The following PKD1 variants were observed in gnomAD, a reference collection of about 807,000 sequenced individuals.
The protein encoded by PKD1 is polycystin 1, transient receptor potential channel interacting.
In PKD1, 81 loss-of-function variants were observed where a neutral mutation model predicts 361.7. The observed-to-expected ratio is 0.22, with a 90% CI of 0.19 to 0.27. The LOEUF is 0.27. Ranked by LOEUF, PKD1 falls within the 10% of genes least tolerant of loss-of-function variation. The pLI, the probability that PKD1 is intolerant of heterozygous loss-of-function variation, is 1.00. For synonymous variants in PKD1, 3,615 were observed against 2,818.3 expected (o/e 1.28, Z -8.95); for missense variants, 6,399 against 6,118.3 (o/e 1.05, Z -1.53).
Position 2,111,500 on chromosome 16 carries a change from C to A in PKD1, c.3667G>T (p.Val1223Leu), listed in dbSNP as rs749092859. ...ACCACCACGGGGGCGCCCTGCTCCACGGCCAGGCTCATGTCCACGCTGAGT... is the reference window on the plus strand; with the variant it reads ...ACCACCACGGGGGCGCCCTGCTCCAAGGCCAGGCTCATGTCCACGCTGAGT... ...RGLSVDMSLA[V>L]EQGAPVVVSA... Residue 1223 changes from valine to leucine, a missense_variant, in exon 15 of 46, where the codon GTG becomes TTG. Val to Leu is a conservative substitution (Grantham distance 32, BLOSUM62 1). Coordinates refer to ENST00000262304, the MANE Select transcript of PKD1 (RefSeq NM_001009944.3). 1.7e-5 allele frequency: 28 copies of A among 1,610,734 alleles called. No homozygotes were observed. The highest frequency in any genetic ancestry group is 2.3e-5 in the Non-Finnish European group (27 of 1,179,214).
At chr16:2,107,121 A>G (rs2369085) in intron 16 of PKD1, 173 bp from the exon 17 acceptor site, 10,630 of 691,028 alleles carry the variant, frequency 0.015, 141 homozygotes, top group Non-Finnish European at 0.018. Context: ...TCCAACTTGG[A>G]CGGCGGAAGG....
In PKD1 at chr16:2,110,143, G is replaced by C. The variant is rs748183993; in HGVS notation, c.5024C>G (p.Ala1675Gly). The C allele has an allele frequency of 1.9e-5, 31 of 1,609,814 alleles. No homozygotes were observed. The highest frequency in any genetic ancestry group is 2.5e-5 in the Non-Finnish European group (29 of 1,179,460). ...GAAGCCTTTGCCGCTGCCGGCCAGG[G>C]CCGGGCCCCTGTCCCTCCAGGCAGT... ...SWTAWRDRGPALAGSGKGFSL... is the reference protein window; with the variant it reads ...SWTAWRDRGPGLAGSGKGFSL... Residue 1675 changes from alanine to glycine, a missense_variant, in exon 15 of 46, where the codon GCC (alanine) becomes GGC (glycine). By Grantham distance (60) the Ala-to-Gly change is moderately conservative. Coordinates refer to ENST00000262304, the MANE Select transcript of PKD1 (RefSeq NM_001009944.3).
chr16:2,112,268 G>C lies in PKD1; in HGVS notation c.3295+72C>G, dbSNP rs567512167. ...TGTTGGGGAGGAAGGGGGGCAGCTT[G>C]ACTGGGGAGCTGGGGGGACCCCGTG... On this transcript the variant is annotated intron_variant, in intron 14 of 45. Transcript: ENST00000262304. 18 of 1,357,242 alleles carry C rather than the reference G, an allele frequency of 1.3e-5. No homozygotes were observed. In the East Asian group the frequency reaches 4.1e-4, roughly 31 times the overall value. 84.1% of individuals were successfully genotyped at this position (1,357,242 alleles called of 1,614,324 possible). A position where few individuals can be genotyped will look rare whatever the true frequency, so the allele number is the denominator to read the frequency against.
chr16:2,091,215 G>A (rs777008229), intron 42 of PKD1, 41 bp from the exon 43 acceptor site: 50 of 1,165,788 alleles, frequency 4.3e-5, no homozygotes, highest in Non-Finnish European at 4.8e-5. Context: ...GGACGCTGCC[G>A]GGGCGGGGCC....
At chr16:2,124,321 C>T (rs1191637354) in intron 1 of PKD1, among the ~76,000 whole-genome samples, 4 of 152,238 alleles carry the variant, frequency 2.6e-5, no homozygotes, top group Admixed American at 2.6e-4. Context: ...GCCCCCTCGC[C>T]CTGGAGCCTC....
rs761149333 is a variant in PKD1 at position 2,111,412 on chromosome 16, A to G, written c.3755T>C (p.Val1252Ala). 7.4e-6 allele frequency: 12 copies of G among 1,611,714 alleles called. No individual in the cohort carries two copies. Among genetic ancestry groups the G allele is most frequent in the Non-Finnish European group, 1.0e-5 (12 of 1,179,528 alleles). ...TWTFDMGDGTVLSGPEATVEH... is the reference protein window; with the variant it reads ...TWTFDMGDGTALSGPEATVEH... ...CACTGTTGCCTCCGGGCCCGACAGC[A>G]CGGTGCCGTCCCCCATGTCGAAGGT... The change falls in exon 15 of 46, where the codon GTG becomes GCG. Residue 1252 changes from valine to alanine, a missense_variant. Coordinates refer to ENST00000262304, the MANE Select transcript of PKD1 (RefSeq NM_001009944.3).
chr16:2,105,145 CACAGG>C (rs1351114251), intron 21 of PKD1, among the ~76,000 whole-genome samples, 172 bp downstream of exon 21: 1 of 150,284 alleles, frequency 6.7e-6, no homozygotes, highest in Admixed American at 6.6e-5. Context: ...CCTGCGTTCA[CACAGG>C]ACAGAACGGC....
Position 2,106,787 on chromosome 16 carries a change from A to G in PKD1, c.7209+18T>C. 1 of 1,432,676 alleles carries G rather than the reference A, an allele frequency of 7.0e-7. No homozygotes were observed. Among genetic ancestry groups the G allele is most frequent in the Non-Finnish European group, 9.6e-7 (1 of 1,038,328 alleles). 88.7% of individuals were successfully genotyped at this position (1,432,676 alleles called of 1,614,324 possible). A position where few individuals can be genotyped will look rare whatever the true frequency, so the allele number is the denominator to read the frequency against. ...TGGGACCCATCCCCAGCCCGCCCAC[A>G]CCCCGCTCAACACTCACCCCTCGCT... On this transcript the variant is annotated intron_variant, in intron 17 of 45. Transcript: ENST00000262304. The surrounding 1 kb of genome is among the most constrained non-coding windows in gnomAD (Gnocchi z 6.5).
In PKD1 at chr16:2,098,099, C is replaced by T. The variant is rs2091921687; in HGVS notation, c.10051-115G>A. 8.9e-6 allele frequency: 6 copies of T among 671,804 alleles called. 1 individual carries two copies. The highest frequency in any genetic ancestry group is 4.7e-5 in the South Asian group (3 of 63,186). The allele number at this position is 671,804 out of a possible 1,614,324, so 41.6% of individuals were successfully genotyped here. ...GCCCGGTGCCATCTGACAGAATGTC[C>T]TAGAATGCTGGATATATGGGACATC... On this transcript the variant is annotated intron_variant, in intron 30 of 45. Coordinates refer to ENST00000262304, the MANE Select transcript of PKD1 (RefSeq NM_001009944.3).
chr16:2,097,703 C>T (rs2091903873), intron 32 of PKD1, 25 bp downstream of exon 32: 2 of 1,610,824 alleles, frequency 1.2e-6, no homozygotes, highest in South Asian at 2.2e-5. Context: ...TGCACCAGGG[C>T]TCGAGGTTTC....
At position 2,088,899 on chromosome 16, in the gene PKD1, A is replaced by ACACT; in HGVS notation, c.*827_*828insAGTG. On this transcript the variant is annotated 3_prime_UTR_variant, in exon 46 of 46. Coordinates refer to ENST00000262304, the MANE Select transcript of PKD1 (RefSeq NM_001009944.3). ...CGCGCGCGCACACACACACACACACAGTCACCTTCCTCCACCCTGGGAGCC... is the reference window on the plus strand; with the variant it reads ...CGCGCGCGCACACACACACACACACACACTGTCACCTTCCTCCACCCTGGGAGCC... The ACACT allele has an allele frequency of 2.4e-6, 1 of 420,762 alleles. No individual in the cohort carries two copies. The highest frequency in any genetic ancestry group is 4.4e-6 in the Non-Finnish European group (1 of 227,980). 26.1% of individuals were successfully genotyped at this position (420,762 alleles called of 1,614,324 possible).
chr16:2,094,031 G>A lies in PKD1; in HGVS notation c.10619-18C>T. On this transcript the variant is annotated intron_variant, in intron 35 of 45. Transcript: ENST00000262304. The stretch of plus-strand genomic sequence containing the variant: ...CACCAGTCCTGGGGAAGCAGAGACA[G>A]ACCTGTGAGAGGCAGCTCACAGGGA... 2 of 1,591,302 alleles carry A rather than the reference G, an allele frequency of 1.3e-6. No individual in the cohort carries two copies. The highest frequency in any genetic ancestry group is 1.7e-6 in the Non-Finnish European group (2 of 1,169,434).
Position 2,100,924 on chromosome 16 carries a change from C to T in PKD1, c.9398-358G>A, listed in dbSNP as rs1195013136. On this transcript the variant is annotated intron_variant, in intron 26 of 45. Transcript: ENST00000262304. This position sits in a 1 kb window ranked among gnomAD's most constrained non-coding sequence, Gnocchi z 4.4. ...ACACACCCGTCCCTCAGTTCATGCA[C>T]AGACTGCAAAGCGTGAAGCTGTGTC... Among the ~76,000 whole-genome samples, 1 of 152,202 alleles carries T rather than the reference C, an allele frequency of 6.6e-6. No homozygotes were observed.
At chr16:2,097,700 G>T (rs1318157331) in intron 32 of PKD1, 28 bp downstream of exon 32, 1 of 1,610,812 alleles carries the variant, frequency 6.2e-7, no homozygotes, top group African/African-American at 1.3e-5. Flanking sequence ...ACCTGCACCA[G>T]GGCTCGAGGT....
chr16:2,096,462 G>A (rs1285270286), intron 34 of PKD1, among the ~76,000 whole-genome samples: 2 of 152,260 alleles, frequency 1.3e-5, no homozygotes, highest in African/African-American at 4.8e-5. Context: ...CTACATACAA[G>A]GTAACCTCTA....
At chr16:2,117,211 C>T (rs1384310563) in intron 6 of PKD1, among the ~76,000 whole-genome samples, 158 bp from the exon 7 acceptor site, 1 of 152,224 alleles carries the variant, frequency 6.6e-6, no homozygotes, top group Non-Finnish European at 1.5e-5. Flanking sequence ...AGGCTCACAG[C>T]AGCACCCACC....
intron 1 of PKD1, among the ~76,000 whole-genome samples, chr16:2,125,914 C>T (rs1334946625): frequency 1.3e-5 from 2 of 152,188 alleles, no homozygotes; most frequent in African/African-American, 4.8e-5. Flanking sequence ...GGGCCCTCCT[C>T]CTCCCCCAAC....
Position 2,106,068 on chromosome 16 carries a change from C to T in PKD1, c.7703+23G>A, listed in dbSNP as rs751928868. 1,021 of 1,604,088 alleles carry T rather than the reference C, an allele frequency of 6.4e-4. 1 individual carries two copies. The highest frequency in any genetic ancestry group is 8.2e-4 in the Non-Finnish European group (960 of 1,175,990). ...GGTGAGCAGGTGGCAGTCTCGGGGG[C>T]GCCCTCCCACGGCCTGGCTCACCTG... On this transcript the variant is annotated intron_variant, in intron 19 of 45. Transcript: ENST00000262304. This position sits in a 1 kb window ranked among gnomAD's most constrained non-coding sequence, Gnocchi z 6.5.
At position 2,090,950 on chromosome 16, in the gene PKD1, C is replaced by T. The variant is rs959862699; in HGVS notation, c.11937G>A (p.Gln3979=). ...GGGCTGCGGAGCTCAGCTGCGCCAC[C>T]TGGTCGAAGCTAGTGAAGCGGCGCG... ...GRPRRFTSFD[Q]VAQLSSAARG... is the part of the protein sequence containing the mutation. The change falls in exon 43 of 46, where the codon CAG becomes CAA. Residue 3979 remains glutamine, a synonymous_variant. Coordinates refer to ENST00000262304, the MANE Select transcript of PKD1 (RefSeq NM_001009944.3). 4 of 1,562,662 alleles carry T rather than the reference C, an allele frequency of 2.6e-6. No individual in the cohort carries two copies. The highest frequency in any genetic ancestry group is 1.3e-5 in the African/African-American group (1 of 74,260).
Sources: gnomAD v4.1 joint callset for allele counts (sites outside exome capture counted in the v4.1 genomes callset) on GRCh38, gnomAD v4.1.1 for gene constraint, Gnocchi (gnomAD v3.1) non-coding constraint, MANE v1.5 for transcripts, NCBI Gene and HGNC (gene_info 2026-07-23, HGNC 2026-07-21) for gene names.